Variants in CNTN1 observed in about 807,000 individuals in gnomAD.
The protein encoded by CNTN1 is contactin 1.
In CNTN1, 38 loss-of-function variants were observed where a neutral mutation model predicts 126.4. The ratio of observed to expected loss-of-function variants is 0.30; its 90% CI spans 0.23 to 0.39. The LOEUF is 0.39. Among genes scored for constraint, CNTN1 ranks in the 10% least tolerant of loss-of-function variants. CNTN1 has a pLI of 1.00. For missense variants in CNTN1, 1,009 were observed against 1,248.4 expected, an observed-to-expected ratio of 0.81 and a Z score of 2.89; for synonymous variants, 413 against 422.6, an observed-to-expected ratio of 0.98 and a Z score of 0.28.
intron 18 of CNTN1, 51 bp downstream of exon 18, chr12:41,014,349 CT>C: frequency 6.4e-7 from 1 of 1,562,762 alleles, no homozygotes; most frequent in Non-Finnish European, 8.8e-7. Context: ...CTATATTTAA[CT>C]TCCACCCCAT....
intron 1 of CNTN1, among the ~76,000 whole-genome samples, chr12:40,885,642 G>A (rs148822231): frequency 1.1e-3 from 163 of 152,130 alleles, no homozygotes; most frequent in African/African-American, 3.7e-3. Context: ...TGTATTTACA[G>A]TGGTTAGTAG....
At chr12:40,824,299 GTCCTCC>G (rs2136533897) in intron 1 of CNTN1, among the ~76,000 whole-genome samples, 1 of 152,116 alleles carries the variant, frequency 6.6e-6, no homozygotes, top group South Asian at 2.1e-4. Context: ...ATCATGTAAT[GTCCTCC>G]CTCCCTAAAA....
At position 40,871,004 on chromosome 12, in the gene CNTN1, G is replaced by A. The variant is rs111416163; in HGVS notation, c.-76-37353G>A. 8.1e-3 allele frequency among the ~76,000 whole-genome samples: 1,231 copies of A among 151,884 alleles called. 11 individuals carry two copies. The highest frequency in any genetic ancestry group is 0.025 in the African/African-American group (1,029 of 41,380). On this transcript the variant is annotated intron_variant, in intron 1 of 23. Coordinates refer to ENST00000551295, the MANE Select transcript of CNTN1 (RefSeq NM_001843.4). ...AATTTTGTGCTCTGTCTACCTGGAG[G>A]AGAGAGATGAGTGAGGATTCTGCCA... is the stretch of plus-strand genomic sequence containing the variant.
At chr12:40,951,633 C>A (rs1370175237) in intron 14 of CNTN1, among the ~76,000 whole-genome samples, 1 of 143,116 alleles carries the variant, frequency 7.0e-6, no homozygotes, top group Non-Finnish European at 1.5e-5. Context: ...CATTTGAACC[C>A]AGGAGGTGGA....
intron 1 of CNTN1, among the ~76,000 whole-genome samples, chr12:40,805,565 G>C (rs1940819377): frequency 6.6e-6 from 1 of 152,074 alleles, no homozygotes; most frequent in African/African-American, 2.4e-5. Flanking sequence ...ACTTTGTTAA[G>C]GAAGGTTTCC....
chr12:40,737,357 G>GTATATATATA (rs773215644), intron 1 of CNTN1, among the ~76,000 whole-genome samples: 11,726 of 104,082 alleles, frequency 0.11, 826 homozygotes, highest in Middle Eastern at 0.2. Flanking sequence ...ATATGTGTGT[G>GTATATATATA]TGTATATATA....
chr12:40,902,498 A>G (rs190636764), intron 1 of CNTN1, among the ~76,000 whole-genome samples: 1 of 152,198 alleles, frequency 6.6e-6, no homozygotes, highest in Non-Finnish European at 1.5e-5. Context: ...ATATTTTTTT[A>G]AAAAATGAAC....
intron 1 of CNTN1, among the ~76,000 whole-genome samples, chr12:40,846,604 T>C (rs966584387): frequency 6.6e-6 from 1 of 152,242 alleles, no homozygotes; most frequent in Non-Finnish European, 1.5e-5. Context: ...TGCTCATTCA[T>C]CTCATCAAAC....
chr12:41,028,330 C>T (rs757451409), intron 22 of CNTN1, among the ~76,000 whole-genome samples: 2 of 152,150 alleles, frequency 1.3e-5, no homozygotes, highest in African/African-American at 2.4e-5. Context: ...CCACGGCTGG[C>T]CCCATTCAAC....
chr12:40,914,402 T>TA (rs2136836652), intron 3 of CNTN1, among the ~76,000 whole-genome samples: 1 of 152,314 alleles, frequency 6.6e-6, no homozygotes, highest in Non-Finnish European at 1.5e-5. Flanking sequence ...GGCAATGCAA[T>TA]ACAGATGCTT....
intron 14 of CNTN1, among the ~76,000 whole-genome samples, chr12:40,949,004 GAGA>G (rs1469241033): frequency 2.0e-5 from 3 of 152,140 alleles, no homozygotes; most frequent in Non-Finnish European, 2.9e-5. Flanking sequence ...CCATTCAAGA[GAGA>G]AGAAGACAGA....
intron 12 of CNTN1, among the ~76,000 whole-genome samples, chr12:40,941,240 A>C (rs1946254594): frequency 6.6e-6 from 1 of 151,500 alleles, no homozygotes; most frequent in Non-Finnish European, 1.5e-5. Context: ...TTAGTACTTT[A>C]ACCCATTACT....
chr12:41,050,347 T>A (rs1023337022), intron 23 of CNTN1, among the ~76,000 whole-genome samples: 1 of 152,212 alleles, frequency 6.6e-6, no homozygotes, highest in East Asian at 1.9e-4. Flanking sequence ...TTTCACAGGC[T>A]GTGCAGGAAG....
chr12:40,710,136 C>T (rs1389929542), intron 1 of CNTN1, among the ~76,000 whole-genome samples: 2 of 151,966 alleles, frequency 1.3e-5, no homozygotes, highest in Admixed American at 1.3e-4. Context: ...TGACTTTTTT[C>T]CCAGAACCAT....
intron 1 of CNTN1, among the ~76,000 whole-genome samples, chr12:40,741,682 C>A (rs1420638574): frequency 1.3e-5 from 2 of 151,962 alleles, no homozygotes. Flanking sequence ...CATTGAGTTA[C>A]CACTAGTAAA....
intron 11 of CNTN1, among the ~76,000 whole-genome samples, chr12:40,938,658 A>T (rs1946162383): frequency 6.6e-6 from 1 of 152,230 alleles, no homozygotes. Flanking sequence ...GTCAGTGTGT[A>T]TAATGCTGGT....
At chr12:40,724,529 C>A (rs1461316678) in intron 1 of CNTN1, among the ~76,000 whole-genome samples, 1 of 152,176 alleles carries the variant, frequency 6.6e-6, no homozygotes, top group Non-Finnish European at 1.5e-5. Flanking sequence ...AAAATTATTT[C>A]ATTCTCCTTT....
intron 1 of CNTN1, among the ~76,000 whole-genome samples, chr12:40,847,483 C>CT (rs546709613): frequency 1.6e-4 from 24 of 151,542 alleles, no homozygotes; most frequent in African/African-American, 3.9e-4. Context: ...TCAGCCAAAA[C>CT]TTTTTTTTTG....
At chr12:40,706,074 C>A (rs1047264277) in intron 1 of CNTN1, among the ~76,000 whole-genome samples, 1 of 149,428 alleles carries the variant, frequency 6.7e-6, no homozygotes, top group Non-Finnish European at 1.5e-5. Context: ...CAACAGAGAT[C>A]CAAACTATAT....
Sources: allele counts gnomAD v4.1 joint callset (sites outside exome capture counted in the v4.1 genomes callset), GRCh38; gene constraint gnomAD v4.1.1; transcripts MANE v1.5; gene names NCBI Gene and HGNC (gene_info 2026-07-23, HGNC 2026-07-21).